FGF14: variants seen among roughly 807,000 people sequenced by gnomAD.
FGF14 encodes the protein fibroblast growth factor 14, also known as fibroblast growth factor homologous factor 4.
A neutral mutation model predicts 25.5 loss-of-function variants in FGF14; 5 were observed. The ratio of observed to expected loss-of-function variants is 0.20; its 90% CI spans 0.10 to 0.41. FGF14 has a LOEUF of 0.41. Among genes scored for constraint, FGF14 ranks in the 10% least tolerant of loss-of-function variants. The pLI, the probability that FGF14 is intolerant of heterozygous loss-of-function variation, is 1.00. For synonymous variants in FGF14, 138 were observed against 118.3 expected (o/e 1.17, Z -1.08); for missense variants, 222 against 320.1 (o/e 0.69, Z 2.34).
At chr13:102,157,369 C>A (rs2047393843) in intron 1 of FGF14, among the ~76,000 whole-genome samples, 1 of 152,196 alleles carries the variant, frequency 6.6e-6, no homozygotes, top group African/African-American at 2.4e-5. Context: ...TTACAACTAT[C>A]TGATCTTTGA....
intron 1 of FGF14, among the ~76,000 whole-genome samples, chr13:102,221,255 T>A (rs1329609961): frequency 1.3e-5 from 2 of 152,172 alleles, no homozygotes; most frequent in Non-Finnish European, 2.9e-5. Flanking sequence ...GGGGATTAAG[T>A]GATTTTTTTT....
At chr13:101,905,262 T>C (rs1441709348) in intron 1 of FGF14, among the ~76,000 whole-genome samples, 1 of 152,168 alleles carries the variant, frequency 6.6e-6, no homozygotes, top group Non-Finnish European at 1.5e-5. Flanking sequence ...TGTATGTTTA[T>C]TGCAGCACTA....
intron 1 of FGF14, among the ~76,000 whole-genome samples, chr13:102,250,218 G>A (rs1372737657): frequency 1.3e-5 from 2 of 152,124 alleles, no homozygotes; most frequent in East Asian, 1.9e-4. Context: ...GCCCTATCAA[G>A]GAGTTAAACG....
chr13:101,915,577 C>T (rs2033384923), intron 1 of FGF14, among the ~76,000 whole-genome samples: 1 of 152,120 alleles, frequency 6.6e-6, no homozygotes, highest in Non-Finnish European at 1.5e-5. Context: ...AAGCGCCTGG[C>T]TCCTGAATAG....
At chr13:102,333,913 C>A (rs2056711858) in intron 1 of FGF14, among the ~76,000 whole-genome samples, 1 of 152,002 alleles carries the variant, frequency 6.6e-6, no homozygotes, top group Admixed American at 6.6e-5. Context: ...GAGGAGGGAG[C>A]CATTGATTTA....
At chr13:102,329,669 C>G (rs2056573663) in intron 1 of FGF14, among the ~76,000 whole-genome samples, 3 of 152,140 alleles carry the variant, frequency 2.0e-5, no homozygotes, top group African/African-American at 7.2e-5. Flanking sequence ...TCAACTTCAG[C>G]TGCTCAGACC....
chr13:102,132,482 T>G (rs1482757005), intron 1 of FGF14, among the ~76,000 whole-genome samples: 1 of 151,366 alleles, frequency 6.6e-6, no homozygotes, highest in African/African-American at 2.4e-5. Context: ...TTCTGTCTCG[T>G]CTCTTAAAAG....
chr13:101,854,061 C>T (rs1375601903), intron 3 of FGF14, among the ~76,000 whole-genome samples: 1 of 152,006 alleles, frequency 6.6e-6, no homozygotes, highest in Non-Finnish European at 1.5e-5. Flanking sequence ...CATTGCAGTA[C>T]TGTTGAGATA....
chr13:101,968,118 C>A (rs1214689042), intron 1 of FGF14, among the ~76,000 whole-genome samples: 3 of 152,142 alleles, frequency 2.0e-5, no homozygotes, highest in Non-Finnish European at 4.4e-5. Flanking sequence ...TGATTACATT[C>A]TACAACCAAC....
intron 3 of FGF14, among the ~76,000 whole-genome samples, chr13:101,739,433 T>C (rs1158540229): frequency 6.6e-6 from 1 of 152,130 alleles, no homozygotes; most frequent in African/African-American, 2.4e-5. Context: ...GAAAGGTTCT[T>C]ATAAGAAAAG....
intron 1 of FGF14, chr13:102,003,090 T>C (rs1355647917): frequency 1.3e-5 from 2 of 152,196 alleles, no homozygotes; most frequent in African/African-American, 4.8e-5. Context: ...TGGAAAATTA[T>C]TCATAGATAC....
chr13:101,916,796 C>T lies in FGF14; in HGVS notation c.-151G>A, dbSNP rs1004654856. On this transcript the variant is annotated 5_prime_UTR_variant, in exon 1 of 5. An upstream open reading frame in the 5' UTR loses its in-frame stop. Transcript: ENST00000376143. ...GACTGGGGAGAGGGGAAGGGGGGCT[C>T]AGTCCTGACCGGGACCCATCGCCCT... The T allele has an allele frequency of 3.0e-6, 2 of 655,966 alleles. No homozygotes were observed. The highest frequency in any genetic ancestry group is 3.3e-5 in the Admixed American group (1 of 30,200). The allele number at this position is 655,966 out of a possible 1,614,324, so 40.6% of individuals were successfully genotyped here.
chr13:101,737,857 G>A (rs1300761549), intron 3 of FGF14, among the ~76,000 whole-genome samples: 2 of 151,884 alleles, frequency 1.3e-5, no homozygotes, highest in African/African-American at 4.8e-5. Context: ...AAGCATATGT[G>A]TTGTAAACTT....
intron 1 of FGF14, among the ~76,000 whole-genome samples, chr13:102,349,697 A>T (rs758725153): frequency 6.6e-6 from 1 of 152,236 alleles, no homozygotes; most frequent in Admixed American, 6.5e-5. Context: ...TTCTAGAAAG[A>T]AAGTTAAAAA....
At chr13:101,764,446 C>T (rs899784165) in intron 3 of FGF14, among the ~76,000 whole-genome samples, 3 of 152,192 alleles carry the variant, frequency 2.0e-5, no homozygotes, top group Admixed American at 1.3e-4. Flanking sequence ...AAAATTGAAC[C>T]TCACTGGTGA....
At position 102,193,717 on chromosome 13, in the gene FGF14, G is replaced by A. The variant is rs531078932; in HGVS notation, c.208+207754C>T. Among the ~76,000 whole-genome samples, 46 of 152,230 alleles carry A rather than the reference G, an allele frequency of 3.0e-4. No individual in the cohort carries two copies. The South Asian group carries it at 6.6e-3, about 22-fold the overall frequency. On this transcript the variant is annotated intron_variant, in intron 1 of 4. Coordinates refer to the FGF14 transcript ENST00000376131. ...ATGAGAAACTATAGAGTTCTTACAG[G>A]AAAGTCATGAAACAAAGAACAACAA...
intron 1 of FGF14, among the ~76,000 whole-genome samples, chr13:102,151,319 C>T (rs2047075194): frequency 6.6e-6 from 1 of 152,102 alleles, no homozygotes; most frequent in South Asian, 2.1e-4. Flanking sequence ...ATCCAGCGTA[C>T]CCCAAGTAAG....
intron 1 of FGF14, among the ~76,000 whole-genome samples, chr13:102,180,229 T>C (rs767712628): frequency 6.6e-6 from 1 of 152,202 alleles, no homozygotes; most frequent in Non-Finnish European, 1.5e-5. Context: ...TGTTAATCAT[T>C]AGGACTATTT....
At position 101,986,927 on chromosome 13, in the gene FGF14, T is replaced by C. The variant is rs550529897; in HGVS notation, c.209-111631A>G. On this transcript the variant is annotated intron_variant, in intron 1 of 4. Transcript: ENST00000376131. ...GTCTTTCTCTATGTATACACACACA[T>C]GTATGTGCATGCACACACACACACA... is the stretch of plus-strand genomic sequence containing the variant. Among the ~76,000 whole-genome samples the C allele has an allele frequency of 1.4e-4, 19 of 133,102 alleles. No individual in the cohort carries two copies. The South Asian group carries it at 4.1e-3, about 29-fold the overall frequency. The allele number at this position is 133,102 out of a possible 152,430, so 87.3% of individuals were successfully genotyped here. A position where few individuals can be genotyped will look rare whatever the true frequency, so the allele number is the denominator to read the frequency against.
Sources: gnomAD v4.1 joint callset for allele counts (sites outside exome capture counted in the v4.1 genomes callset) on GRCh38, gnomAD v4.1.1 for gene constraint, MANE v1.5 for transcripts, NCBI Gene and HGNC (gene_info 2026-07-23, HGNC 2026-07-21) for gene names.